REEP1: variants seen among roughly 807,000 people sequenced by gnomAD.
The protein encoded by REEP1 is receptor accessory protein 1, also known as receptor expression-enhancing protein 1.
REEP1 carries 22 observed loss-of-function variants against 40.3 expected under a neutral mutation model. That is an observed-to-expected ratio of 0.55 (90% confidence interval 0.39 to 0.78). The LOEUF (loss-of-function observed/expected upper bound fraction) is 0.78, where lower values mean the gene tolerates loss of function less well. REEP1 is among the 30% of genes least tolerant of loss of function. The pLI is 0.00. For synonymous variants in REEP1, 116 were observed against 139.2 expected (o/e 0.83, Z 1.17); for missense variants, 280 against 361.1 (o/e 0.78, Z 1.82).
At chr2:86,319,393 C>T (rs916008360) in intron 1 of REEP1, among the ~76,000 whole-genome samples, 2 of 152,186 alleles carry the variant, frequency 1.3e-5, no homozygotes, top group East Asian at 3.8e-4. Context: ...AAGTCCTAAA[C>T]CCCAATAACT....
chr2:86,329,016 C>T (rs1004340443), intron 1 of REEP1, among the ~76,000 whole-genome samples: 3 of 152,180 alleles, frequency 2.0e-5, no homozygotes, highest in Non-Finnish European at 2.9e-5. Flanking sequence ...AGAATCAGGT[C>T]ACACAGACTT....
At chr2:86,227,971 A>G (rs1175434257) in intron 6 of REEP1, among the ~76,000 whole-genome samples, 1 of 152,202 alleles carries the variant, frequency 6.6e-6, no homozygotes, top group Non-Finnish European at 1.5e-5. Context: ...CCTGGTGTCC[A>G]GTGCTAGGCA....
At chr2:86,267,953 TAAA>T (rs563171875) in intron 2 of REEP1, among the ~76,000 whole-genome samples, 1 of 145,028 alleles carries the variant, frequency 6.9e-6, no homozygotes. Flanking sequence ...ATTTGTGACT[TAAA>T]AAAAAAAAAC....
chr2:86,239,208 C>CAAAAAAA (rs35714309), intron 5 of REEP1, among the ~76,000 whole-genome samples: 39 of 58,340 alleles, frequency 6.7e-4, no homozygotes, highest in East Asian at 9.9e-4. Flanking sequence ...CCATCTAGAC[C>CAAAAAAA]AAAAAAAAAA....
At chr2:86,337,884 C>T (rs577216472), upstream of REEP1, 25 of 922,642 alleles carry the variant, frequency 2.7e-5, no homozygotes, top group African/African-American at 3.0e-4. The surrounding 1 kb of genome is among the most constrained non-coding windows in gnomAD (Gnocchi z 5.8). Context: ...AGGGCAGGGA[C>T]CCGGGTGCTG....
intron 1 of REEP1, among the ~76,000 whole-genome samples, chr2:86,283,858 C>A (rs546729176): frequency 1.3e-5 from 2 of 152,208 alleles, no homozygotes; most frequent in South Asian, 4.2e-4. Flanking sequence ...TGCTGGAGCC[C>A]AGCCAGGCCA....
intron 5 of REEP1, among the ~76,000 whole-genome samples, chr2:86,239,119 T>A (rs957097093): frequency 7.1e-6 from 1 of 140,706 alleles, no homozygotes; most frequent in Non-Finnish European, 1.5e-5. Flanking sequence ...TAATTTTCAG[T>A]AACACCCACA....
At chr2:86,265,109 G>A (rs1677069125) in intron 2 of REEP1, among the ~76,000 whole-genome samples, 2 of 152,212 alleles carry the variant, frequency 1.3e-5, no homozygotes, top group African/African-American at 4.8e-5. Flanking sequence ...GAAATGCACA[G>A]AAGCAGGTAA....
At position 86,252,149 on chromosome 2, in the gene REEP1, T is replaced by C. The variant is rs183986564; in HGVS notation, c.304-79A>G. 8.4e-6 allele frequency: 9 copies of C among 1,074,704 alleles called. No homozygotes were observed. The African/African-American group carries it at 1.4e-4, about 17-fold the overall frequency. The allele number at this position is 1,074,704 out of a possible 1,614,324, so 66.6% of individuals were successfully genotyped here. ...GTTTTCTTTCCTTTCCTCTGAGCAT[T>C]GGGCTTGGCAGCTTGCCCAATCCTT... On this transcript the variant is annotated intron_variant, in intron 4 of 8. Coordinates refer to ENST00000538924, the MANE Select transcript of REEP1 (RefSeq NM_001371279.1).
At chr2:86,335,801 A>G (rs1374047799) in intron 1 of REEP1, among the ~76,000 whole-genome samples, 1 of 147,884 alleles carries the variant, frequency 6.8e-6, no homozygotes, top group Non-Finnish European at 1.5e-5. Flanking sequence ...GTGAGCCGAG[A>G]CTGTGCCACT....
Position 86,216,785 on chromosome 2 carries a change from T to C in REEP1, c.*254A>G. The C allele has an allele frequency of 2.2e-6, 1 of 464,852 alleles. No homozygotes were observed. Among genetic ancestry groups the C allele is most frequent in the Non-Finnish European group, 3.9e-6 (1 of 254,998 alleles). 28.8% of individuals were successfully genotyped at this position (464,852 alleles called of 1,614,324 possible). A position where few individuals can be genotyped will look rare whatever the true frequency, so the allele number is the denominator to read the frequency against. ...ATAATGACAATCCAATTGTGGAAAA[T>C]TACCAACCTCAGAAGACTTAAAGGT... is the stretch of plus-strand genomic sequence containing the variant. On this transcript the variant is annotated 3_prime_UTR_variant, in exon 9 of 9. Coordinates refer to ENST00000538924, the MANE Select transcript of REEP1 (RefSeq NM_001371279.1).
intron 2 of REEP1, among the ~76,000 whole-genome samples, chr2:86,276,075 G>C (rs767564222): frequency 1.3e-5 from 2 of 152,188 alleles, no homozygotes; most frequent in Non-Finnish European, 2.9e-5. Context: ...GCTTGATAGT[G>C]CATGTTCAAT....
In REEP1 at chr2:86,241,952, G is replaced by C. The variant is rs1271154440; in HGVS notation, c.418-9150C>G. ...GACACAGCACATGCGAGGTGGGCCA[G>C]GACAAGGCAGGCAAGTCAGCCTCCT... On this transcript the variant is annotated intron_variant, in intron 5 of 8. Transcript: ENST00000538924. Among the ~76,000 whole-genome samples, 4 of 152,288 alleles carry C rather than the reference G, an allele frequency of 2.6e-5. No individual in the cohort carries two copies. The East Asian group carries it at 7.7e-4, about 29-fold the overall frequency.
At chr2:86,275,381 G>A (rs1677701694) in intron 2 of REEP1, among the ~76,000 whole-genome samples, 2 of 152,306 alleles carry the variant, frequency 1.3e-5, no homozygotes, top group Admixed American at 6.5e-5. Flanking sequence ...CTGGCATCTG[G>A]GGCCTCAATG....
At chr2:86,236,822 G>T (rs987190169) in intron 5 of REEP1, among the ~76,000 whole-genome samples, 2 of 150,838 alleles carry the variant, frequency 1.3e-5, no homozygotes, top group African/African-American at 2.4e-5. Context: ...CTGCAACTCC[G>T]CCTCCCGCGT....
chr2:86,290,578 T>C (rs1451695338), intron 1 of REEP1, among the ~76,000 whole-genome samples: 1 of 152,200 alleles, frequency 6.6e-6, no homozygotes, highest in Non-Finnish European at 1.5e-5. Context: ...AGTACCTTCC[T>C]GATGTCAGAA....
At chr2:86,318,508 C>A (rs1163772465) in intron 1 of REEP1, among the ~76,000 whole-genome samples, 1 of 151,236 alleles carries the variant, frequency 6.6e-6, no homozygotes, top group African/African-American at 2.4e-5. Context: ...AAGCAATTCT[C>A]TGCCTCAGCC....
intron 1 of REEP1, among the ~76,000 whole-genome samples, chr2:86,288,330 T>C (rs2104418227): frequency 6.6e-6 from 1 of 152,314 alleles, no homozygotes; most frequent in Non-Finnish European, 1.5e-5. Context: ...CCTAAAATTA[T>C]TTATTTGTAT....
At chr2:86,307,288 G>C (rs938600326) in intron 1 of REEP1, among the ~76,000 whole-genome samples, 1 of 150,900 alleles carries the variant, frequency 6.6e-6, no homozygotes, top group Non-Finnish European at 1.5e-5. Context: ...AAACAAATGA[G>C]TAGACCATAC....
Sources: allele counts gnomAD v4.1 joint callset (sites outside exome capture counted in the v4.1 genomes callset), GRCh38; gene constraint gnomAD v4.1.1; non-coding constraint Gnocchi (gnomAD v3.1); transcripts MANE v1.5; gene names NCBI Gene and HGNC (gene_info 2026-07-23, HGNC 2026-07-21).